The following HK1 variants were observed in gnomAD, a reference collection of about 807,000 sequenced individuals.
The protein encoded by HK1 is hexokinase 1.
In HK1, 28 loss-of-function variants were observed where a neutral mutation model predicts 91.6. The ratio of observed to expected loss-of-function variants is 0.31; its 90% CI spans 0.23 to 0.42. The LOEUF (loss-of-function observed/expected upper bound fraction) is 0.42, where lower values mean the gene tolerates loss of function less well. Among genes scored for constraint, HK1 ranks in the 10% least tolerant of loss-of-function variants. HK1 has a pLI of 1.00. For missense variants in HK1, 770 were observed against 1,219.8 expected (o/e 0.63, Z 5.49); for synonymous variants, 430 against 468.1 (o/e 0.92, Z 1.05).
chr10:69,273,834 C>T (rs776831506), intron 1 of HK1, among the ~76,000 whole-genome samples: 5 of 152,084 alleles, frequency 3.3e-5, no homozygotes, highest in African/African-American at 7.2e-5. Flanking sequence ...TTTATCTTTT[C>T]GTCCATTTTT....
At chr10:69,339,138 T>C (rs932002508) in intron 1 of HK1, among the ~76,000 whole-genome samples, 3 of 150,846 alleles carry the variant, frequency 2.0e-5, no homozygotes, top group African/African-American at 7.4e-5. Context: ...CTGGAAGTTT[T>C]CTGCAGGTGT....
At chr10:69,368,435 T>C in intron 4 of HK1, 101 bp from the exon 5 acceptor site, 1 of 1,016,932 alleles carries the variant, frequency 9.8e-7, no homozygotes, top group Non-Finnish European at 1.5e-6. Context: ...ACTTGGCCCC[T>C]ATGGGCTTCT....
intron 8 of HK1, among the ~76,000 whole-genome samples, 161 bp downstream of exon 8, chr10:69,377,250 G>A (rs1034791400): frequency 1.2e-4 from 18 of 152,036 alleles, no homozygotes; most frequent in Admixed American, 4.6e-4. Context: ...ATTCTGGGCC[G>A]GACTCCCTGA....
At chr10:69,314,835 T>C (rs1420908130), upstream of HK1, among the ~76,000 whole-genome samples, 2 of 152,188 alleles carry the variant, frequency 1.3e-5, no homozygotes, top group Non-Finnish European at 2.9e-5. Context: ...GCCCAGCTAA[T>C]TTTTGTATTT....
chr10:69,358,681 G>A (rs1434706061), intron 2 of HK1, among the ~76,000 whole-genome samples: 1 of 150,752 alleles, frequency 6.6e-6, no homozygotes, highest in Non-Finnish European at 1.5e-5. Flanking sequence ...GGCCGACATA[G>A]TGAAGCCCTG....
rs571899778 is a variant in HK1, at chr10:69,366,591, A to T, written c.495+1689A>T. Among the ~76,000 whole-genome samples, 5 of 151,878 alleles carry T rather than the reference A, an allele frequency of 3.3e-5. No homozygotes were observed. In the South Asian group the frequency reaches 8.3e-4, roughly 25 times the overall value. On this transcript the variant is annotated intron_variant, in intron 4 of 17. Coordinates refer to ENST00000359426, the MANE Select transcript of HK1 (RefSeq NM_000188.3). The stretch of plus-strand genomic sequence containing the variant: ...ATCCAGTGCTCCACCCACCTCCAAC[A>T]TGTCTAAATGCCTCCGAGATGTTCT...
At chr10:69,374,143 T>C (rs899378134) in intron 7 of HK1, among the ~76,000 whole-genome samples, 1 of 152,220 alleles carries the variant, frequency 6.6e-6, no homozygotes, top group Non-Finnish European at 1.5e-5. Context: ...TTTCTTTCTG[T>C]GGTTCTGCTG....
At chr10:69,367,751 A>G (rs1315305150) in intron 4 of HK1, among the ~76,000 whole-genome samples, 1 of 152,146 alleles carries the variant, frequency 6.6e-6, no homozygotes, top group Non-Finnish European at 1.5e-5. Flanking sequence ...TGCTGCATTT[A>G]TAGTGACTTG....
intron 2 of HK1, among the ~76,000 whole-genome samples, chr10:69,351,039 G>T (rs575462281): frequency 2.4e-4 from 37 of 151,314 alleles, no homozygotes; most frequent in African/African-American, 9.0e-4. Context: ...GCTGGGCGTG[G>T]TGGCGGGCTC....
chr10:69,345,992 G>A (rs150986493), intron 2 of HK1, among the ~76,000 whole-genome samples: 39 of 152,134 alleles, frequency 2.6e-4, no homozygotes, highest in African/African-American at 8.0e-4. Context: ...CCCACACTTC[G>A]CTTGCAATGG....
At chr10:69,388,086 G>T (rs947951674) in intron 13 of HK1, among the ~76,000 whole-genome samples, 1 of 152,040 alleles carries the variant, frequency 6.6e-6, no homozygotes, top group African/African-American at 2.4e-5. Flanking sequence ...AAACAAAAAG[G>T]GCTGAGTTGC....
chr10:69,277,899 G>A (rs1290235200), intron 1 of HK1, among the ~76,000 whole-genome samples: 1 of 152,176 alleles, frequency 6.6e-6, no homozygotes, highest in Admixed American at 6.5e-5. Flanking sequence ...TGGGCGTGGT[G>A]GCAGGCGCCT....
At chr10:69,355,391 A>C (rs189043717) in intron 2 of HK1, among the ~76,000 whole-genome samples, 3 of 152,264 alleles carry the variant, frequency 2.0e-5, no homozygotes, top group Non-Finnish European at 4.4e-5. Flanking sequence ...AAGGAATTTC[A>C]CTGCCAATTT....
At chr10:69,318,794 CGCGAGCTGTCGCCGCGCCCCG>C, upstream of HK1, 1 of 1,375,728 alleles carries the variant, frequency 7.3e-7, no homozygotes, top group Non-Finnish European at 9.4e-7. Context: ...ACCGGGAGCG[CGCGAGCTGTCGCCGCGCCCCG>C]GGCCGAGGGG....
At chr10:69,338,350 G>A (rs1848105171) in intron 1 of HK1, 2 of 1,190,294 alleles carry the variant, frequency 1.7e-6, no homozygotes, top group Non-Finnish European at 2.1e-6. Context: ...GATGTCTGGT[G>A]TCTGGGACTG....
Position 69,351,132 on chromosome 10 carries a change from G to A in HK1, c.226+7143G>A, listed in dbSNP as rs557851201. On this transcript the variant is annotated intron_variant, in intron 2 of 17. Transcript: ENST00000359426. ...GGAGCTTGCAGTGAGCCAAGATCAC[G>A]CCACTGCACTCCAGCCTGGGCGACA... Among the ~76,000 whole-genome samples the A allele has an allele frequency of 9.9e-5, 15 of 151,440 alleles. 1 individual carries two copies. The East Asian group carries it at 2.5e-3, about 25-fold the overall frequency.
chr10:69,401,576 G>A lies in HK1; in HGVS notation c.*441G>A, dbSNP rs1300767308. On this transcript the variant is annotated 3_prime_UTR_variant, in exon 18 of 18. Coordinates refer to ENST00000359426, the MANE Select transcript of HK1 (RefSeq NM_000188.3). ...ACACTGCCGGGCCTCCCTCCCGGGG[G>A]CACTGCCTGAAGGCGAGTGTGGGCA... The A allele has an allele frequency of 8.0e-6, 3 of 372,930 alleles. No individual in the cohort carries two copies. Among genetic ancestry groups the A allele is most frequent in the Admixed American group, 3.8e-5 (1 of 26,454 alleles). 23.1% of individuals were successfully genotyped at this position (372,930 alleles called of 1,614,324 possible).
upstream of HK1, among the ~76,000 whole-genome samples, chr10:69,314,771 G>T (rs1271391234): frequency 2.0e-5 from 3 of 152,072 alleles, no homozygotes; most frequent in East Asian, 3.9e-4. Context: ...AGGTTCAAGC[G>T]ATTCTCTTGC....
At chr10:69,375,292 A>C (rs1358717982) in intron 7 of HK1, among the ~76,000 whole-genome samples, 1 of 152,242 alleles carries the variant, frequency 6.6e-6, no homozygotes, top group African/African-American at 2.4e-5. Context: ...CATATCCTCC[A>C]TATAACCTTA....
Sources: allele counts gnomAD v4.1 joint callset (sites outside exome capture counted in the v4.1 genomes callset), GRCh38; gene constraint gnomAD v4.1.1; transcripts MANE v1.5; gene names NCBI Gene and HGNC (gene_info 2026-07-23, HGNC 2026-07-21).